Variants in CFAP299 observed in about 807,000 individuals in gnomAD.
The protein encoded by CFAP299 is cilia and flagella associated protein 299, also known as cilia- and flagella-associated protein 299.
Under a neutral mutation model 27.0 loss-of-function variants are expected in CFAP299, and 21 were observed. That is an observed-to-expected ratio of 0.78 (90% CI 0.55 to 1.12). CFAP299 has a LOEUF of 1.12. CFAP299 is among the 50% of genes most tolerant of loss of function. The pLI, the probability that CFAP299 is intolerant of heterozygous loss-of-function variation, is 0.00. For synonymous variants in CFAP299, 104 were observed against 98.1 expected, an observed-to-expected ratio of 1.06 and a Z score of -0.36; for missense variants, 310 against 276.6, an observed-to-expected ratio of 1.12 and a Z score of -0.86.
rs140506100 is a variant in CFAP299 at position 80,591,408 on chromosome 4, G to T, written c.333+8225G>T. The stretch of plus-strand genomic sequence containing the variant: ...AAATTTTTTAAATGAACAATTATTG[G>T]TGAATTTATTATATCTAGTAACTTG... On this transcript the variant is annotated intron_variant, in intron 3 of 5. Transcript: ENST00000358105. Among the ~76,000 whole-genome samples, 1,034 of 152,190 alleles carry T rather than the reference G, an allele frequency of 6.8e-3. 13 individuals carry two copies. Among genetic ancestry groups the T allele is most frequent in the African/African-American group, 0.024 (993 of 41,522 alleles).
Sources: gnomAD v4.1 joint callset for allele counts (sites outside exome capture counted in the v4.1 genomes callset) on GRCh38, gnomAD v4.1.1 for gene constraint, MANE v1.5 for transcripts, NCBI Gene and HGNC (gene_info 2026-07-23, HGNC 2026-07-21) for gene names.